PDE8A: variants seen among roughly 807,000 people sequenced by gnomAD.
The protein encoded by PDE8A is phosphodiesterase 8A, also known as high affinity cAMP-specific and IBMX-insensitive 3',5'-cyclic phosphodiesterase 8A.
A neutral mutation model predicts 105.0 loss-of-function variants in PDE8A; 59 were observed. That is an observed-to-expected ratio of 0.56 (90% CI 0.46 to 0.70). PDE8A has a LOEUF of 0.70. Among genes scored for constraint, PDE8A ranks in the 30% least tolerant of loss-of-function variants. The probability of loss-of-function intolerance (pLI) is 0.00; values close to 1 mark genes in which losing one functional copy is unlikely to be tolerated. For synonymous variants in PDE8A, 355 were observed against 371.9 expected (o/e 0.95, Z 0.52); for missense variants, 1,014 against 1,045.9 (o/e 0.97, Z 0.42).
chr15:85,108,374 G>GT (rs2081975208), intron 11 of PDE8A, among the ~76,000 whole-genome samples: 1 of 152,172 alleles, frequency 6.6e-6, no homozygotes, highest in Non-Finnish European at 1.5e-5. Context: ...GCAGCTCCTA[G>GT]TTTCCTTGTC....
At chr15:84,988,343 A>G (rs528514744) in intron 1 of PDE8A, among the ~76,000 whole-genome samples, 2 of 152,342 alleles carry the variant, frequency 1.3e-5, no homozygotes, top group South Asian at 4.1e-4. Context: ...AGGCATCTTG[A>G]ATCTGCATTA....
intron 1 of PDE8A, among the ~76,000 whole-genome samples, chr15:85,015,956 C>G (rs2141342680): frequency 6.6e-6 from 1 of 152,154 alleles, no homozygotes; most frequent in Admixed American, 6.5e-5. Context: ...GCCAACATGG[C>G]AAAACCTCGT....
chr15:85,010,371 A>G (rs575650624), intron 1 of PDE8A, among the ~76,000 whole-genome samples: 1 of 152,334 alleles, frequency 6.6e-6, no homozygotes, highest in East Asian at 1.9e-4. Flanking sequence ...CATGTGCTTT[A>G]GCCTCAGTCT....
chr15:84,984,046 C>T (rs2079763772), intron 1 of PDE8A, among the ~76,000 whole-genome samples: 1 of 152,238 alleles, frequency 6.6e-6, no homozygotes. Context: ...GTGGCATACA[C>T]ATAGTAGGTA....
rs545927985 is a variant in PDE8A at position 85,038,950 on chromosome 15, C to T, written c.187-25420C>T. 1.4e-3 allele frequency among the ~76,000 whole-genome samples: 217 copies of T among 152,146 alleles called. 1 individual carries two copies. The highest frequency in any genetic ancestry group is 3.4e-3 in the Middle Eastern group (1 of 294). Reference sequence around the variant, plus strand: ...CAGCCTGACCAACATGGAGAAACCCCGTCTCTACTAAAGATACAAAATTAG... The same window carrying T: ...CAGCCTGACCAACATGGAGAAACCCTGTCTCTACTAAAGATACAAAATTAG... On this transcript the variant is annotated intron_variant, in intron 1 of 21. Coordinates refer to ENST00000394553, the MANE Select transcript of PDE8A (RefSeq NM_002605.3).
intron 1 of PDE8A, among the ~76,000 whole-genome samples, chr15:85,015,035 C>G (rs913510630): frequency 1.6e-4 from 25 of 152,070 alleles, no homozygotes; most frequent in Admixed American, 1.6e-3. Flanking sequence ...AATTTCTGGC[C>G]TTTGTGTCTG....
chr15:85,046,665 A>C (rs572578842), intron 1 of PDE8A, among the ~76,000 whole-genome samples: 4 of 152,362 alleles, frequency 2.6e-5, no homozygotes, highest in Non-Finnish European at 5.9e-5. Flanking sequence ...GTAGTATACC[A>C]AATGGTGATT....
At chr15:85,040,419 T>G (rs557272953) in intron 1 of PDE8A, among the ~76,000 whole-genome samples, 37 of 151,836 alleles carry the variant, frequency 2.4e-4, no homozygotes, top group Middle Eastern at 6.8e-3. Flanking sequence ...ATTTTTGCCT[T>G]AAGTCTCCTC....
intron 20 of PDE8A, among the ~76,000 whole-genome samples, chr15:85,128,952 C>A (rs1046418852): frequency 6.6e-6 from 1 of 152,208 alleles, no homozygotes; most frequent in Non-Finnish European, 1.5e-5. Context: ...GCTACAGTCA[C>A]TTTGGGAAGC....
In PDE8A at chr15:85,100,062, A is replaced by G; in HGVS notation, c.989A>G (p.Asn330Ser). 2 of 1,613,854 alleles carry G rather than the reference A, an allele frequency of 1.2e-6. No individual in the cohort carries two copies. Among genetic ancestry groups the G allele is most frequent in the South Asian group, 2.2e-5 (2 of 90,988 alleles). ...ATTATCAGAGTGTGCAATGGCAACAATAAGGTACGTAAGGAGAGCCCCCCG... is the reference window on the plus strand; with the variant it reads ...ATTATCAGAGTGTGCAATGGCAACAGTAAGGTACGTAAGGAGAGCCCCCCG... ...VSIIRVCNGN[N>S]KAEKISECVQ... Residue 330 changes from asparagine to serine, a missense_variant, in exon 10 of 22, where the codon AAT (asparagine) becomes AGT (serine). Transcript: ENST00000394553.
chr15:85,098,899 G>C (rs1159107952), intron 9 of PDE8A, among the ~76,000 whole-genome samples: 2 of 151,888 alleles, frequency 1.3e-5, no homozygotes, highest in Non-Finnish European at 2.9e-5. Flanking sequence ...CGAGGCTGCA[G>C]TGAGCTATGA....
At chr15:85,016,983 C>T (rs1265359812) in intron 1 of PDE8A, among the ~76,000 whole-genome samples, 15 of 150,750 alleles carry the variant, frequency 1.0e-4, no homozygotes, top group South Asian at 2.1e-4. Context: ...AAGCCTGGGC[C>T]GGGCGCGGTG....
chr15:85,038,125 T>C (rs2080738060), intron 1 of PDE8A, among the ~76,000 whole-genome samples: 1 of 152,226 alleles, frequency 6.6e-6, no homozygotes, highest in Admixed American at 6.5e-5. Flanking sequence ...TTTCTTTTGC[T>C]AGTTGAATTC....
At chr15:84,994,565 A>C (rs1266516100) in intron 1 of PDE8A, among the ~76,000 whole-genome samples, 1 of 152,246 alleles carries the variant, frequency 6.6e-6, no homozygotes, top group Admixed American at 6.5e-5. Flanking sequence ...CTGTGTACCC[A>C]ATGCCTGTAT....
At chr15:85,045,393 G>A (rs1010423245) in intron 1 of PDE8A, among the ~76,000 whole-genome samples, 4 of 151,670 alleles carry the variant, frequency 2.6e-5, no homozygotes, top group African/African-American at 9.7e-5. Flanking sequence ...TCCTAATAGA[G>A]CATGAAAAGA....
At chr15:85,134,952 T>C (rs1032039724) in intron 20 of PDE8A, among the ~76,000 whole-genome samples, 3 of 152,194 alleles carry the variant, frequency 2.0e-5, no homozygotes, top group Middle Eastern at 6.8e-3. Context: ...TCAGCGACTT[T>C]AGGGAGCTCC....
intron 18 of PDE8A, among the ~76,000 whole-genome samples, chr15:85,122,439 GGAGTTAA>G (rs2082196611): frequency 6.6e-6 from 1 of 152,134 alleles, no homozygotes; most frequent in African/African-American, 2.4e-5. Context: ...TTTCAGAGGT[GGAGTTAA>G]AGTAGTTTCT....
At chr15:85,110,798 T>A (rs996630438) in intron 12 of PDE8A, among the ~76,000 whole-genome samples, 8 of 152,314 alleles carry the variant, frequency 5.3e-5, no homozygotes, top group Middle Eastern at 6.8e-3. Flanking sequence ...GTGGGATTGC[T>A]AGGCCTTAGA....
At chr15:85,013,938 G>A (rs1596443226) in intron 1 of PDE8A, among the ~76,000 whole-genome samples, 1 of 152,130 alleles carries the variant, frequency 6.6e-6, no homozygotes, top group South Asian at 2.1e-4. Flanking sequence ...GGCTGCTCAG[G>A]TACCCGCTGG....
Sources: gnomAD v4.1 joint callset for allele counts (sites outside exome capture counted in the v4.1 genomes callset) on GRCh38, gnomAD v4.1.1 for gene constraint, MANE v1.5 for transcripts, NCBI Gene and HGNC (gene_info 2026-07-23, HGNC 2026-07-21) for gene names.